SH3RF1: variants seen among roughly 807,000 people sequenced by gnomAD.
SH3RF1 encodes E3 ubiquitin-protein ligase SH3RF1.
In SH3RF1, 32 loss-of-function variants were observed where a neutral mutation model predicts 74.0. The observed-to-expected ratio is 0.43, with a 90% CI of 0.33 to 0.58. SH3RF1 has a LOEUF of 0.58. Ranked by LOEUF, SH3RF1 falls within the 20% of genes least tolerant of loss-of-function variation. The pLI is 0.05. For synonymous variants in SH3RF1, 396 were observed against 439.6 expected, an observed-to-expected ratio of 0.90 and a Z score of 1.24; for missense variants, 954 against 1,130.9, an observed-to-expected ratio of 0.84 and a Z score of 2.24.
intron 2 of SH3RF1, among the ~76,000 whole-genome samples, chr4:169,186,945 C>A (rs554333205): frequency 2.0e-5 from 3 of 147,180 alleles, no homozygotes; most frequent in Non-Finnish European, 4.5e-5. Flanking sequence ...AGCCAGGAGG[C>A]GGGGCTTGCA....
Position 169,226,846 on chromosome 4 carries a change from C to T in SH3RF1, c.393+41974G>A, listed in dbSNP as rs372454228. On this transcript the variant is annotated intron_variant, in intron 2 of 11. Coordinates refer to ENST00000284637, the MANE Select transcript of SH3RF1 (RefSeq NM_020870.4). ...CACCTAATTCTAAATCTAAATTGTA[C>T]TACCTCAGTCACCTAACTGCTTTTA... 1.2e-4 allele frequency among the ~76,000 whole-genome samples: 18 copies of T among 152,140 alleles called. 1 individual carries two copies. Among genetic ancestry groups the T allele is most frequent in the Admixed American group, 9.2e-4 (14 of 15,268 alleles).
At chr4:169,145,043 T>C (rs1471676187) in intron 4 of SH3RF1, among the ~76,000 whole-genome samples, 7 of 152,128 alleles carry the variant, frequency 4.6e-5, no homozygotes, top group South Asian at 4.2e-4. Flanking sequence ...TTCAGAGAGA[T>C]TAAGAATAGT....
intron 11 of SH3RF1, among the ~76,000 whole-genome samples, chr4:169,103,834 T>C (rs1452964074): frequency 6.6e-6 from 1 of 152,210 alleles, no homozygotes; most frequent in African/African-American, 2.4e-5. Flanking sequence ...AAATATAAAC[T>C]TGGGTAGAAA....
intron 2 of SH3RF1, among the ~76,000 whole-genome samples, chr4:169,223,211 A>G (rs1433963739): frequency 2.6e-5 from 4 of 152,190 alleles, no homozygotes; most frequent in African/African-American, 9.6e-5. Context: ...GCTGCACTCA[A>G]CATGTAGGGA....
At chr4:169,099,181 C>A (rs571429674) in intron 11 of SH3RF1, among the ~76,000 whole-genome samples, 3 of 152,238 alleles carry the variant, frequency 2.0e-5, no homozygotes, top group Non-Finnish European at 4.4e-5. Context: ...TAGCCTTGAC[C>A]TCCCAGGCTT....
At chr4:169,165,975 C>T (rs1734235528) in intron 2 of SH3RF1, among the ~76,000 whole-genome samples, 1 of 152,004 alleles carries the variant, frequency 6.6e-6, no homozygotes, top group Non-Finnish European at 1.5e-5. Flanking sequence ...AGATGAATCC[C>T]AGACTCAAAT....
At chr4:169,106,533 TAAG>T (rs1733141827) in intron 11 of SH3RF1, among the ~76,000 whole-genome samples, 1 of 147,726 alleles carries the variant, frequency 6.8e-6, no homozygotes, top group Non-Finnish European at 1.5e-5. Flanking sequence ...GGAATAGAAA[TAAG>T]AAAGAAGTAA....
Position 169,117,524 on chromosome 4 carries a change from T to C in SH3RF1, c.1776A>G (p.Thr592=). The change falls in exon 9 of 12, where the codon ACA becomes ACG. Residue 592 remains threonine (T), a splice_region_variant and synonymous_variant. Transcript: ENST00000284637. ...GTTCTGGCCTGGGTTCCTCCTTACCTGTCCTCACAGCATTGCGGGCCTGGT... is the reference window on the plus strand; with the variant it reads ...GTTCTGGCCTGGGTTCCTCCTTACCCGTCCTCACAGCATTGCGGGCCTGGT... ...TVNQARNAVR[T]VAAHNQERPT... 1 of 1,614,194 alleles carries C rather than the reference T, an allele frequency of 6.2e-7. No individual in the cohort carries two copies. The highest frequency in any genetic ancestry group is 8.5e-7 in the Non-Finnish European group (1 of 1,179,994).
At chr4:169,174,188 G>A (rs146984385) in intron 2 of SH3RF1, among the ~76,000 whole-genome samples, 2 of 152,068 alleles carry the variant, frequency 1.3e-5, no homozygotes, top group African/African-American at 2.4e-5. Flanking sequence ...TCAGCCCCTC[G>A]AAAGCTGTGA....
At chr4:169,175,989 G>T (rs184579492) in intron 2 of SH3RF1, among the ~76,000 whole-genome samples, 135 of 152,302 alleles carry the variant, frequency 8.9e-4, no homozygotes, top group African/African-American at 3.1e-3. Flanking sequence ...TGTAAGAAAA[G>T]ACACAAGAGA....
At chr4:169,175,998 G>A (rs1734414486) in intron 2 of SH3RF1, among the ~76,000 whole-genome samples, 1 of 152,172 alleles carries the variant, frequency 6.6e-6, no homozygotes, top group African/African-American at 2.4e-5. Flanking sequence ...AGACACAAGA[G>A]AGATTCCTTT....
intron 2 of SH3RF1, among the ~76,000 whole-genome samples, chr4:169,182,614 AAT>A (rs1193257391): frequency 1.3e-4 from 20 of 152,220 alleles, no homozygotes; most frequent in Non-Finnish European, 1.5e-5. Flanking sequence ...ACCTTGCTCT[AAT>A]ATGACTTATA....
chr4:169,217,014 C>T (rs34155968), intron 2 of SH3RF1, among the ~76,000 whole-genome samples: 1 of 50,448 alleles, frequency 2.0e-5, no homozygotes. Flanking sequence ...AAAAAAAAAA[C>T]CAGCCAGGTG....
intron 2 of SH3RF1, among the ~76,000 whole-genome samples, chr4:169,247,168 G>C (rs1000276439): frequency 2.0e-5 from 3 of 152,182 alleles, no homozygotes; most frequent in Non-Finnish European, 4.4e-5. Flanking sequence ...ACTGGAGATG[G>C]GGCCAGAAGA....
chr4:169,247,184 G>A (rs535108346), intron 2 of SH3RF1, among the ~76,000 whole-genome samples: 1 of 152,338 alleles, frequency 6.6e-6, no homozygotes, highest in Non-Finnish European at 1.5e-5. Context: ...GAAGAGGACA[G>A]TGGAGAGGGT....
At chr4:169,098,195 A>G (rs1454828035) in intron 11 of SH3RF1, among the ~76,000 whole-genome samples, 2 of 152,260 alleles carry the variant, frequency 1.3e-5, no homozygotes, top group Non-Finnish European at 1.5e-5. Flanking sequence ...ATGGCAACAG[A>G]TATCTAATAA....
At chr4:169,190,603 C>T (rs1041174534) in intron 2 of SH3RF1, among the ~76,000 whole-genome samples, 1 of 151,508 alleles carries the variant, frequency 6.6e-6, no homozygotes, top group Non-Finnish European at 1.5e-5. Flanking sequence ...AAAAAAAAGT[C>T]CAGTACCAGA....
chr4:169,131,321 A>AG, intron 5 of SH3RF1, among the ~76,000 whole-genome samples: 1 of 152,244 alleles, frequency 6.6e-6, no homozygotes, highest in Non-Finnish European at 1.5e-5. Flanking sequence ...AAGTAGATCC[A>AG]GGGGGTGGCA....
chr4:169,224,320 T>TG (rs1730620033), intron 2 of SH3RF1, among the ~76,000 whole-genome samples: 1 of 109,886 alleles, frequency 9.1e-6, no homozygotes, highest in Non-Finnish European at 2.1e-5. Context: ...TCTAATTTCC[T>TG]ATTTTTTTTT....
Sources: gnomAD v4.1 joint callset for allele counts (sites outside exome capture counted in the v4.1 genomes callset) on GRCh38, gnomAD v4.1.1 for gene constraint, MANE v1.5 for transcripts, NCBI Gene and HGNC (gene_info 2026-07-23, HGNC 2026-07-21) for gene names.